KHDRBS2: variants seen among roughly 807,000 people sequenced by gnomAD.
The protein encoded by KHDRBS2 is KH domain-containing, RNA-binding, signal transduction-associated protein 2.
KHDRBS2 carries 26 observed loss-of-function variants against 44.3 expected under a neutral mutation model. The ratio of observed to expected loss-of-function variants is 0.59; its 90% CI spans 0.43 to 0.81. The LOEUF is 0.81. Ranked by LOEUF, KHDRBS2 falls within the 40% of genes least tolerant of loss-of-function variation. The pLI is 0.00. For missense variants in KHDRBS2, 476 were observed against 433.1 expected (o/e 1.10, Z -0.88); for synonymous variants, 194 against 151.1 (o/e 1.28, Z -2.08).
intron 6 of KHDRBS2, among the ~76,000 whole-genome samples, chr6:61,870,091 G>T (rs1192311127): frequency 6.6e-6 from 1 of 151,848 alleles, no homozygotes; most frequent in African/African-American, 2.4e-5. Flanking sequence ...TGGCTCAGTG[G>T]TTCTCACCTC....
chr6:62,050,064 G>T (rs1788635130), intron 2 of KHDRBS2, among the ~76,000 whole-genome samples: 1 of 152,010 alleles, frequency 6.6e-6, no homozygotes, highest in Non-Finnish European at 1.5e-5. Flanking sequence ...TAACAGACTA[G>T]ATAAAGAAAA....
intron 6 of KHDRBS2, chr6:61,816,879 A>G: frequency 1.3e-5 from 6 of 450,588 alleles, no homozygotes; most frequent in Non-Finnish European, 2.7e-5. Context: ...AATTTAAACC[A>G]TACACTTTTA....
chr6:61,577,342 G>GCACAA, the KHDRBS2 span, among the ~76,000 whole-genome samples: 1 of 152,014 alleles, frequency 6.6e-6, no homozygotes, highest in Non-Finnish European at 1.5e-5. Context: ...CAAAGTACTT[G>GCACAA]AGATCTCAGC....
chr6:62,183,064 ACCTCAAAAT>A (rs1822671468), intron 1 of KHDRBS2, among the ~76,000 whole-genome samples: 1 of 151,776 alleles, frequency 6.6e-6, no homozygotes, highest in South Asian at 2.1e-4. Flanking sequence ...TATTTATCGG[ACCTCAAAAT>A]AGAATTTGCT....
intron 2 of KHDRBS2, among the ~76,000 whole-genome samples, chr6:62,150,773 C>G (rs1420471496): frequency 1.3e-5 from 2 of 152,114 alleles, no homozygotes; most frequent in African/African-American, 4.8e-5. Context: ...AGCTTTGTGT[C>G]ACAGAAGGCT....
intron 6 of KHDRBS2, among the ~76,000 whole-genome samples, chr6:61,771,982 A>G (rs1310909999): frequency 6.6e-6 from 1 of 152,188 alleles, no homozygotes; most frequent in East Asian, 1.9e-4. Context: ...ATTATAACAA[A>G]CTGTATCTCA....
rs764940661 is a variant in KHDRBS2 at position 61,980,426 on chromosome 6, TA to T, written c.337-2215del. ...ACCAGAAAAATAACTCCTGAAAGTTTAGAATGTTAGTGGGAAATAACTCTTA... is the reference window on the plus strand; with the variant it reads ...ACCAGAAAAATAACTCCTGAAAGTTTGAATGTTAGTGGGAAATAACTCTTA... On this transcript the variant is annotated intron_variant, in intron 3 of 8. Transcript: ENST00000281156. Among the ~76,000 whole-genome samples, 5 of 152,288 alleles carry T rather than the reference TA, an allele frequency of 3.3e-5. No individual in the cohort carries two copies. In the East Asian group the frequency reaches 5.8e-4, roughly 18 times the overall value.
intron 2 of KHDRBS2, among the ~76,000 whole-genome samples, chr6:62,053,338 C>T (rs1181101354): frequency 6.6e-6 from 1 of 151,244 alleles, no homozygotes; most frequent in Non-Finnish European, 1.5e-5. Context: ...AATGCATAGA[C>T]CAAAGCCACT....
intron 2 of KHDRBS2, among the ~76,000 whole-genome samples, chr6:62,151,396 T>C (rs369663031): frequency 3.8e-4 from 58 of 152,322 alleles, no homozygotes; most frequent in African/African-American, 1.3e-3. Flanking sequence ...TGTCTGGGAA[T>C]ATTCCTGATA....
intron 2 of KHDRBS2, among the ~76,000 whole-genome samples, chr6:62,067,555 T>C (rs889811264): frequency 1.3e-5 from 2 of 151,568 alleles, no homozygotes; most frequent in Non-Finnish European, 3.0e-5. Flanking sequence ...GACTATTGGT[T>C]TGAATATTTT....
At chr6:62,253,471 T>C (rs75847591) in intron 1 of KHDRBS2, among the ~76,000 whole-genome samples, 26,254 of 151,724 alleles carry the variant, frequency 0.17, 2,913 homozygotes, top group Non-Finnish European at 0.22. Context: ...TCTGTCTCTA[T>C]TCCCCCTGCA....
the KHDRBS2 span, among the ~76,000 whole-genome samples, chr6:61,637,164 C>G: frequency 7.9e-5 from 12 of 152,082 alleles, no homozygotes; most frequent in African/African-American, 2.9e-4. Context: ...AGTATATCTC[C>G]CAATGCTATC....
At chr6:62,243,214 G>GTATC (rs537160891) in intron 1 of KHDRBS2, among the ~76,000 whole-genome samples, 1 of 151,814 alleles carries the variant, frequency 6.6e-6, no homozygotes, top group South Asian at 2.1e-4. Flanking sequence ...ATGTATGTAT[G>GTATC]TATCTATCTA....
chr6:62,043,020 A>G (rs1786885392), intron 3 of KHDRBS2, among the ~76,000 whole-genome samples: 1 of 152,070 alleles, frequency 6.6e-6, no homozygotes, highest in Non-Finnish European at 1.5e-5. Context: ...TGTGATTTCC[A>G]TTTAAGGACA....
intron 6 of KHDRBS2, among the ~76,000 whole-genome samples, chr6:61,756,825 C>T (rs1355046760): frequency 6.6e-6 from 1 of 152,166 alleles, no homozygotes; most frequent in African/African-American, 2.4e-5. Flanking sequence ...TTAAGCATCC[C>T]CAAATGTTTT....
At chr6:61,675,179 G>T (rs995978431), downstream of KHDRBS2, among the ~76,000 whole-genome samples, 10 of 151,480 alleles carry the variant, frequency 6.6e-5, no homozygotes, top group Admixed American at 5.9e-4. Context: ...AACTTAAAAA[G>T]TTACATTTTA....
intron 6 of KHDRBS2, among the ~76,000 whole-genome samples, chr6:61,874,992 G>C (rs139573617): frequency 1.5e-3 from 229 of 152,106 alleles, no homozygotes; most frequent in African/African-American, 5.3e-3. Flanking sequence ...GCATGTCCTC[G>C]GTAAGGCCTA....
chr6:62,028,467 A>C (rs1783769676), intron 3 of KHDRBS2, among the ~76,000 whole-genome samples: 1 of 151,920 alleles, frequency 6.6e-6, no homozygotes, highest in Non-Finnish European at 1.5e-5. Flanking sequence ...TCGTCTGGTT[A>C]ACCTGAAAAT....
At chr6:61,918,961 T>C (rs1583506414) in intron 4 of KHDRBS2, among the ~76,000 whole-genome samples, 1 of 151,896 alleles carries the variant, frequency 6.6e-6, no homozygotes. Context: ...TATGTGGCAT[T>C]ACGGAAATCA....
Sources: allele counts gnomAD v4.1 joint callset (sites outside exome capture counted in the v4.1 genomes callset), GRCh38; gene constraint gnomAD v4.1.1; transcripts MANE v1.5; gene names NCBI Gene and HGNC (gene_info 2026-07-23, HGNC 2026-07-21).